NCBP3: variants seen among roughly 807,000 people sequenced by gnomAD.
The protein encoded by NCBP3 is nuclear cap binding subunit 3.
A neutral mutation model predicts 75.7 loss-of-function variants in NCBP3; 20 were observed. The ratio of observed to expected loss-of-function variants is 0.26; its 90% CI spans 0.19 to 0.38. The LOEUF (loss-of-function observed/expected upper bound fraction) is 0.38. Ranked by LOEUF, NCBP3 falls within the 10% of genes least tolerant of loss-of-function variation. The probability of loss-of-function intolerance (pLI) is 1.00; values close to 1 mark genes in which losing one functional copy is unlikely to be tolerated. For synonymous variants in NCBP3, 293 were observed against 290.5 expected, an observed-to-expected ratio of 1.01 and a Z score of -0.09; for missense variants, 678 against 796.9, an observed-to-expected ratio of 0.85 and a Z score of 1.80.
At position 3,829,471 on chromosome 17, in the gene NCBP3, A is replaced by G. The variant is rs1597405676; in HGVS notation, c.356-103T>C. On this transcript the variant is annotated intron_variant, in intron 3 of 12. Coordinates refer to ENST00000389005, the MANE Select transcript of NCBP3 (RefSeq NM_001114118.3). Reference sequence around the variant, plus strand: ...TAGTTCAGACAACACGAGTTTAGAAAGAAACATGCTGAGAGAAACTATAAT... The same window carrying G: ...TAGTTCAGACAACACGAGTTTAGAAGGAAACATGCTGAGAGAAACTATAAT... The G allele has an allele frequency of 8.8e-6, 11 of 1,254,534 alleles. No homozygotes were observed. In the East Asian group the frequency reaches 2.8e-4, roughly 32 times the overall value. The allele number at this position is 1,254,534 out of a possible 1,614,324, so 77.7% of individuals were successfully genotyped here. A position where few individuals can be genotyped will look rare whatever the true frequency, so the allele number is the denominator to read the frequency against.
intron 9 of NCBP3, among the ~76,000 whole-genome samples, chr17:3,820,933 A>AG (rs2053650767): frequency 6.6e-6 from 1 of 152,148 alleles, no homozygotes; most frequent in African/African-American, 2.4e-5. Context: ...CCGTCTTAAA[A>AG]AAAAAAAAAA....
rs889153421 is a variant in NCBP3, at chr17:3,803,759, C to G, written c.*9285G>C. ...ATTTTTTTCTTTCTCCCCTTGATAC[C>G]AGGAAGAATAAAGTTTTTAAAAAAT... On this transcript the variant is annotated 3_prime_UTR_variant, in exon 13 of 13. Transcript: ENST00000389005. 2 of 151,924 alleles carry G rather than the reference C, an allele frequency of 1.3e-5. No individual in the cohort carries two copies. Among genetic ancestry groups the G allele is most frequent in the Non-Finnish European group, 2.9e-5 (2 of 67,986 alleles). 9.4% of individuals were successfully genotyped at this position (151,924 alleles called of 1,614,324 possible). A position where few individuals can be genotyped will look rare whatever the true frequency, so the allele number is the denominator to read the frequency against.
intron 7 of NCBP3, chr17:3,822,558 C>A: frequency 6.5e-6 from 1 of 152,744 alleles, no homozygotes; most frequent in Non-Finnish European, 1.5e-5. Context: ...TTAAAGAAAA[C>A]AGCATAATAC....
intron 3 of NCBP3, among the ~76,000 whole-genome samples, chr17:3,835,869 A>G (rs1260544192): frequency 6.6e-6 from 1 of 152,214 alleles, no homozygotes; most frequent in Non-Finnish European, 1.5e-5. Context: ...GCCACAGCCC[A>G]AACTGTCTGA....
In NCBP3 at chr17:3,812,572, C is replaced by T. The variant is rs143401114; in HGVS notation, c.*472G>A. 1.6e-5 allele frequency: 16 copies of T among 1,008,622 alleles called. No homozygotes were observed. Among genetic ancestry groups the T allele is most frequent in the African/African-American group, 1.6e-4 (9 of 57,492 alleles). The allele number at this position is 1,008,622 out of a possible 1,614,324, so 62.5% of individuals were successfully genotyped here. A position where few individuals can be genotyped will look rare whatever the true frequency, so the allele number is the denominator to read the frequency against. ...TAGGGTCCCGGAAGGGTGAGCTGGCCGCTTCCCTCCTCTTCCCCCTCGAAG... is the reference window on the plus strand; with the variant it reads ...TAGGGTCCCGGAAGGGTGAGCTGGCTGCTTCCCTCCTCTTCCCCCTCGAAG... On this transcript the variant is annotated 3_prime_UTR_variant, in exon 13 of 13. Coordinates refer to ENST00000389005, the MANE Select transcript of NCBP3 (RefSeq NM_001114118.3).
At chr17:3,821,430 C>A in intron 8 of NCBP3, 78 bp from the exon 9 acceptor site, 1 of 1,049,158 alleles carries the variant, frequency 9.5e-7, no homozygotes, top group East Asian at 2.8e-5. Flanking sequence ...TTTCTCTTTT[C>A]TTTTTTTTTT....
At chr17:3,821,821 T>A (rs1427002828) in intron 8 of NCBP3, 132 bp downstream of exon 8, 1 of 663,956 alleles carries the variant, frequency 1.5e-6, no homozygotes, top group African/African-American at 1.8e-5. Flanking sequence ...ATTTACCACA[T>A]CTAAGAATCT....
At chr17:3,827,541 A>C (rs1447816909) in intron 4 of NCBP3, among the ~76,000 whole-genome samples, 1 of 152,230 alleles carries the variant, frequency 6.6e-6, no homozygotes, top group Non-Finnish European at 1.5e-5. Context: ...AAGAGCTTTG[A>C]GAAATCTTAC....
Position 3,803,540 on chromosome 17 carries a change from G to A in NCBP3, c.*9504C>T, listed in dbSNP as rs766019114. 3.9e-5 allele frequency: 6 copies of A among 152,116 alleles called. No individual in the cohort carries two copies. The highest frequency in any genetic ancestry group is 7.3e-5 in the Non-Finnish European group (5 of 68,036). The allele number at this position is 152,116 out of a possible 1,614,324, so 9.4% of individuals were successfully genotyped here. ...GGAAATGTTCACTAAAACATCTTAC[G>A]GATAAACGAGCATGATGTATACAAA... On this transcript the variant is annotated 3_prime_UTR_variant, in exon 13 of 13. Coordinates refer to ENST00000389005, the MANE Select transcript of NCBP3 (RefSeq NM_001114118.3).
At chr17:3,840,600 C>CA in intron 2 of NCBP3, among the ~76,000 whole-genome samples, 1 of 152,062 alleles carries the variant, frequency 6.6e-6, no homozygotes, top group Non-Finnish European at 1.5e-5. Context: ...AATGGAGGCA[C>CA]AAAAAAGCAA....
intron 10 of NCBP3, among the ~76,000 whole-genome samples, chr17:3,817,107 A>C (rs1040603128): frequency 2.0e-5 from 3 of 152,200 alleles, no homozygotes; most frequent in African/African-American, 7.2e-5. Context: ...CCTCCCCACA[A>C]ACATACTACG....
chr17:3,809,863 T>C lies in NCBP3; in HGVS notation c.*3181A>G, dbSNP rs1208589223. ...AAAAATGAAATACTGATAGAAGCTA[T>C]GACATGGATGAACCTCAGAAATATG... On this transcript the variant is annotated 3_prime_UTR_variant, in exon 13 of 13. Transcript: ENST00000389005. The C allele has an allele frequency of 6.6e-6, 1 of 152,182 alleles. No individual in the cohort carries two copies. The highest frequency in any genetic ancestry group is 1.5e-5 in the Non-Finnish European group (1 of 68,046). 9.4% of individuals were successfully genotyped at this position (152,182 alleles called of 1,614,324 possible).
chr17:3,813,045 C>G lies in NCBP3; in HGVS notation c.1862G>C (p.Ter621SerextTer10), dbSNP rs1213276428. The change falls in exon 13 of 13, where the codon TGA (stop) becomes TCA (serine). Residue 621 changes from the stop codon to serine (S), a stop_lost. Coordinates refer to ENST00000389005, the MANE Select transcript of NCBP3 (RefSeq NM_001114118.3). ...CAGCTGCCATAGGCCCCAGGGGCAT[C>G]AGGACTCTGCCTCTGAACCAGAGCT... ...ESSSGSEAES[*>S] is the part of the protein sequence containing the mutation. 1.9e-6 allele frequency: 3 copies of G among 1,614,036 alleles called. No homozygotes were observed. Among genetic ancestry groups the G allele is most frequent in the Admixed American group, 1.7e-5 (1 of 60,004 alleles).
chr17:3,813,911 G>A (rs747614936), intron 12 of NCBP3, among the ~76,000 whole-genome samples: 21 of 152,048 alleles, frequency 1.4e-4, no homozygotes, highest in Non-Finnish European at 2.9e-4. Flanking sequence ...TGATCCCCCC[G>A]TCTCGGCCTC....
chr17:3,819,168 A>G (rs551659758), intron 9 of NCBP3, among the ~76,000 whole-genome samples: 22 of 152,282 alleles, frequency 1.4e-4, no homozygotes, highest in Admixed American at 3.9e-4. Context: ...GAAAAATACC[A>G]TATCAGGTAA....
At chr17:3,824,828 T>C in intron 7 of NCBP3, 114 bp downstream of exon 7, 1 of 560,596 alleles carries the variant, frequency 1.8e-6, no homozygotes, top group Non-Finnish European at 3.0e-6. Context: ...ATATTATAGT[T>C]TGAAGGGAAC....
At position 3,805,686 on chromosome 17, in the gene NCBP3, G is replaced by A. The variant is rs529282283; in HGVS notation, c.*7358C>T. ...TGGGTGCTGGGACCAAGGGTCCAGG[G>A]GCTTGGATCTCTTGTTTACAAACCC... On this transcript the variant is annotated 3_prime_UTR_variant, in exon 13 of 13. Coordinates refer to ENST00000389005, the MANE Select transcript of NCBP3 (RefSeq NM_001114118.3). The A allele has an allele frequency of 6.6e-6, 1 of 152,348 alleles. No homozygotes were observed. The highest frequency in any genetic ancestry group is 2.1e-4 in the South Asian group (1 of 4,828). The allele number at this position is 152,348 out of a possible 1,614,324, so 9.4% of individuals were successfully genotyped here. A position where few individuals can be genotyped will look rare whatever the true frequency, so the allele number is the denominator to read the frequency against.
intron 11 of NCBP3, among the ~76,000 whole-genome samples, chr17:3,815,368 G>A (rs994086904): frequency 6.6e-6 from 1 of 152,202 alleles, no homozygotes; most frequent in Admixed American, 6.5e-5. Context: ...GTAGATCTAT[G>A]ACGGCTCTGC....
At chr17:3,825,714 CA>C in intron 6 of NCBP3, 52 bp downstream of exon 6, 1 of 1,345,118 alleles carries the variant, frequency 7.4e-7, no homozygotes, top group Non-Finnish European at 1.0e-6. Flanking sequence ...GTTAAAAAGA[CA>C]GTGAGCAATT....
Sources: allele counts gnomAD v4.1 joint callset (sites outside exome capture counted in the v4.1 genomes callset), GRCh38; gene constraint gnomAD v4.1.1; transcripts MANE v1.5; gene names NCBI Gene and HGNC (gene_info 2026-07-23, HGNC 2026-07-21).